ZDHHC19: variants seen among roughly 807,000 people sequenced by gnomAD.
The protein encoded by ZDHHC19 is palmitoyltransferase ZDHHC19.
ZDHHC19 carries 30 observed loss-of-function variants against 33.9 expected under a neutral mutation model. The observed-to-expected ratio is 0.88, with a 90% CI of 0.66 to 1.20. The LOEUF is 1.20. ZDHHC19 is among the 50% of genes most tolerant of loss of function. The pLI is 0.00. For synonymous variants in ZDHHC19, 178 were observed against 167.6 expected (o/e 1.06, Z -0.48); for missense variants, 364 against 401.1 (o/e 0.91, Z 0.79).
At chr3:196,208,743 GCA>G in intron 3 of ZDHHC19, 183 bp from the exon 4 acceptor site, 2 of 663,024 alleles carry the variant, frequency 3.0e-6, no homozygotes, top group South Asian at 1.9e-5. Flanking sequence ...CCTTGTTAGA[GCA>G]CAGTTAGGAC....
intron 5 of ZDHHC19, among the ~76,000 whole-genome samples, chr3:196,200,555 C>A (rs188825708): frequency 1.3e-5 from 2 of 149,020 alleles, no homozygotes; most frequent in African/African-American, 2.5e-5. Context: ...GGGGTTTCAC[C>A]GTGTTAGCCA....
In ZDHHC19 at chr3:196,198,880, C is replaced by A; in HGVS notation, c.688-6G>T. 1 of 1,613,500 alleles carries A rather than the reference C, an allele frequency of 6.2e-7. No homozygotes were observed. The highest frequency in any genetic ancestry group is 1.1e-5 in the South Asian group (1 of 90,956). On this transcript the variant is annotated splice_polypyrimidine_tract_variant and splice_region_variant and intron_variant, in intron 5 of 7. Coordinates refer to ENST00000296326, the MANE Select transcript of ZDHHC19 (RefSeq NM_001039617.2). ...TATCCCTGAAGGTGTCTGCACTGGT[C>A]GGGGATGGAAACCGGAAGAGGAGCT... is the stretch of plus-strand genomic sequence containing the variant.
At chr3:196,202,350 G>A (rs1387667507) in intron 5 of ZDHHC19, 1 of 152,244 alleles carries the variant, frequency 6.6e-6, no homozygotes, top group East Asian at 1.9e-4. Context: ...AGTTCCAAGG[G>A]CTGGTCTGAA....
At chr3:196,202,013 T>C (rs1722393076) in intron 5 of ZDHHC19, among the ~76,000 whole-genome samples, 2 of 152,102 alleles carry the variant, frequency 1.3e-5, no homozygotes, top group Non-Finnish European at 2.9e-5. Context: ...CAGGAATATT[T>C]TGGGGCCTTA....
intron 5 of ZDHHC19, among the ~76,000 whole-genome samples, chr3:196,205,781 C>A (rs761090030): frequency 2.0e-5 from 3 of 152,078 alleles, no homozygotes; most frequent in Admixed American, 6.6e-5. Flanking sequence ...CTGCCTCAGC[C>A]TCCAAATAGC....
At chr3:196,201,669 C>T (rs992128847) in intron 5 of ZDHHC19, among the ~76,000 whole-genome samples, 7 of 151,772 alleles carry the variant, frequency 4.6e-5, no homozygotes, top group African/African-American at 1.7e-4. Flanking sequence ...TGCAGTGAGC[C>T]GAGATAGCAC....
intron 5 of ZDHHC19, 38 bp from the exon 6 acceptor site, chr3:196,198,912 C>T: frequency 6.2e-7 from 1 of 1,601,960 alleles, no homozygotes; most frequent in Non-Finnish European, 8.6e-7. Flanking sequence ...AGCTCAGAAC[C>T]AGCAGGAATG....
At chr3:196,210,285 A>AGAAAGAAAGAAG (rs750596258) in intron 2 of ZDHHC19, among the ~76,000 whole-genome samples, 50 of 139,670 alleles carry the variant, frequency 3.6e-4, no homozygotes, top group Admixed American at 5.8e-4. Flanking sequence ...AAAGAAAGAA[A>AGAAAGAAAGAAG]GAAGGAAGGA....
chr3:196,207,465 G>C lies in ZDHHC19; in HGVS notation c.620C>G (p.Pro207Arg). Residue 207 changes from proline (P) to arginine (R), a missense_variant, in exon 5 of 8, where the codon CCG becomes CGG. Physicochemically the swap from Pro to Arg is moderately radical, Grantham distance 103. Transcript: ENST00000296326. ...VAVSAAGLLVPLSLLLLIQAL... is the reference protein window; with the variant it reads ...VAVSAAGLLVRLSLLLLIQAL... ...CTGGATCAGCAGCAGGAGGGACAGC[G>C]GCACCAGGAGGCCCGCGGCGGACAC... 1.3e-6 allele frequency: 2 copies of C among 1,573,218 alleles called. No individual in the cohort carries two copies. The highest frequency in any genetic ancestry group is 1.7e-6 in the Non-Finnish European group (2 of 1,160,298).
chr3:196,198,243 GCA>G (rs1344295510), intron 7 of ZDHHC19, 31 bp downstream of exon 7: 5 of 1,442,100 alleles, frequency 3.5e-6, no homozygotes, highest in South Asian at 1.7e-5. Context: ...CTCCCGACAC[GCA>G]CAGACACCCA....
chr3:196,200,521 A>ATT (rs1206362886), intron 5 of ZDHHC19, among the ~76,000 whole-genome samples: 7 of 148,946 alleles, frequency 4.7e-5, no homozygotes, highest in Non-Finnish European at 8.9e-5. Flanking sequence ...CGCCCAGCTA[A>ATT]TTTTTTGTAT....
In ZDHHC19 at chr3:196,209,226, G is replaced by A. The variant is rs1424928564; in HGVS notation, c.408+150C>T. 4 of 1,123,446 alleles carry A rather than the reference G, an allele frequency of 3.6e-6. No homozygotes were observed. In the African/African-American group the frequency reaches 6.3e-5, roughly 18 times the overall value. 69.6% of individuals were successfully genotyped at this position (1,123,446 alleles called of 1,614,324 possible). A position where few individuals can be genotyped will look rare whatever the true frequency, so the allele number is the denominator to read the frequency against. On this transcript the variant is annotated intron_variant, in intron 3 of 7. Coordinates refer to ENST00000296326, the MANE Select transcript of ZDHHC19 (RefSeq NM_001039617.2). Reference sequence around the variant, plus strand: ...AGGTGCAGGTGGAGAACACATGAGTGACCAAGGGTGGCTGGGAGTTACTGC... The same window carrying A: ...AGGTGCAGGTGGAGAACACATGAGTAACCAAGGGTGGCTGGGAGTTACTGC...
At chr3:196,206,284 TC>T (rs1432540035) in intron 5 of ZDHHC19, among the ~76,000 whole-genome samples, 1 of 151,950 alleles carries the variant, frequency 6.6e-6, no homozygotes, top group Non-Finnish European at 1.5e-5. Context: ...ACTCCCAGTC[TC>T]AGGTCATCTG....
intron 7 of ZDHHC19, 123 bp downstream of exon 7, chr3:196,198,153 A>C: frequency 3.1e-6 from 3 of 981,162 alleles, no homozygotes; most frequent in Non-Finnish European, 4.1e-6. Context: ...TCCTCCCCCC[A>C]AGCTCGGAGC....
Position 196,207,408 on chromosome 3 carries a change from TAG to T in ZDHHC19, c.675_676del (p.Tyr226GlnfsTer36). The T allele has an allele frequency of 6.4e-7, 1 of 1,562,802 alleles. No individual in the cohort carries two copies. Among genetic ancestry groups the T allele is most frequent in the Non-Finnish European group, 8.7e-7 (1 of 1,154,646 alleles). On this transcript the variant is annotated frameshift_variant, in exon 5 of 8. Transcript: ENST00000296326. LOFTEE classifies it high-confidence loss of function. ...CGCGGCCCCGCGTACCTTGCCCTTG[TAG>T]GTGCGGTCGGCCGAGCTCACGGACA... is the stretch of plus-strand genomic sequence containing the variant.
chr3:196,198,403 C>T lies in ZDHHC19; in HGVS notation c.822G>A (p.Trp274Ter), dbSNP rs1721974153. ...VQLQRVVGPD[W>*]TSMPNLHPPM... ...GAGGGTGCAGATTCGGCATGGATGT[C>T]CAGTCAGGCCCCACCACTCTCTGCA... Residue 274 changes from tryptophan to a stop codon, truncating the protein, a stop_gained, in exon 7 of 8, where the codon TGG (tryptophan) becomes TGA (stop). Coordinates refer to ENST00000296326, the MANE Select transcript of ZDHHC19 (RefSeq NM_001039617.2). LOFTEE classifies it high-confidence loss of function. 6.5e-7 allele frequency: 1 copy of T among 1,543,954 alleles called. No individual in the cohort carries two copies. Among genetic ancestry groups the T allele is most frequent in the South Asian group, 1.3e-5 (1 of 79,934 alleles).
intron 5 of ZDHHC19, among the ~76,000 whole-genome samples, chr3:196,201,967 T>C (rs1339505033): frequency 1.3e-5 from 2 of 152,064 alleles, no homozygotes; most frequent in Admixed American, 6.6e-5. Context: ...CCCAAAGTGC[T>C]ATGGATTCCT....
chr3:196,198,747 C>G, intron 6 of ZDHHC19, 42 bp downstream of exon 6: 1 of 1,608,572 alleles, frequency 6.2e-7, no homozygotes, highest in Admixed American at 1.7e-5. Context: ...CTCTGCCCCA[C>G]CCCCAGGGTT....
chr3:196,209,587 A>G, intron 2 of ZDHHC19, 72 bp from the exon 3 acceptor site: 1 of 1,546,300 alleles, frequency 6.5e-7, no homozygotes, highest in Non-Finnish European at 8.7e-7. Context: ...GCTCCACGGC[A>G]TCACAGGGCA....
Sources: gnomAD v4.1 joint callset for allele counts (sites outside exome capture counted in the v4.1 genomes callset) on GRCh38, gnomAD v4.1.1 for gene constraint, MANE v1.5 for transcripts, NCBI Gene and HGNC (gene_info 2026-07-23, HGNC 2026-07-21) for gene names.